MARCHF8: variants seen among roughly 807,000 people sequenced by gnomAD.
MARCHF8 encodes the protein membrane associated ring-CH-type finger 8.
MARCHF8 carries 40 observed loss-of-function variants against 51.6 expected under a neutral mutation model. The ratio of observed to expected loss-of-function variants is 0.77; its 90% CI spans 0.60 to 1.01. MARCHF8 has a LOEUF of 1.01. Ranked by LOEUF, MARCHF8 falls within the 50% of genes least tolerant of loss-of-function variation. MARCHF8 has a pLI of 0.00. For missense variants in MARCHF8, 685 were observed against 708.6 expected (o/e 0.97, Z 0.38); for synonymous variants, 263 against 280.3 (o/e 0.94, Z 0.62).
At chr10:45,551,706 A>G (rs1362055188) in intron 1 of MARCHF8, among the ~76,000 whole-genome samples, 5 of 152,136 alleles carry the variant, frequency 3.3e-5, no homozygotes, top group Admixed American at 2.6e-4. Flanking sequence ...CTCTTCCCTG[A>G]GCCTCCAGCC....
At chr10:45,498,735 C>T (rs930695530) in intron 2 of MARCHF8, among the ~76,000 whole-genome samples, 3 of 152,242 alleles carry the variant, frequency 2.0e-5, no homozygotes, top group African/African-American at 7.2e-5. Flanking sequence ...CTCGGCCTCC[C>T]AAAGTGCTAG....
chr10:45,491,527 G>A (rs763409103), intron 2 of MARCHF8, among the ~76,000 whole-genome samples: 2 of 152,172 alleles, frequency 1.3e-5, no homozygotes, highest in Non-Finnish European at 2.9e-5. Flanking sequence ...CTGGGCAACA[G>A]AGCAAGACTC....
intron 1 of MARCHF8, among the ~76,000 whole-genome samples, chr10:45,541,114 T>A (rs2044045811): frequency 1.3e-5 from 2 of 152,228 alleles, no homozygotes; most frequent in Admixed American, 6.5e-5. Context: ...AAAAGACACA[T>A]GCACACGTAT....
At position 45,457,009 on chromosome 10, in the gene MARCHF8, C is replaced by T. The variant is rs1316085585; in HGVS notation, c.*1230G>A. 6.6e-6 allele frequency: 1 copy of T among 152,412 alleles called. No homozygotes were observed. Among genetic ancestry groups the T allele is most frequent in the African/African-American group, 2.4e-5 (1 of 41,474 alleles). 9.4% of individuals were successfully genotyped at this position (152,412 alleles called of 1,614,324 possible). A position where few individuals can be genotyped will look rare whatever the true frequency, so the allele number is the denominator to read the frequency against. On this transcript the variant is annotated 3_prime_UTR_variant, in exon 8 of 8. Transcript: ENST00000453424. ...GCGGACCCTGGCAGTTTGCTCACAC[C>T]TGGCCCTCGTCCCAGAGCCAGCCCA...
chr10:45,579,752 G>A (rs373483939), intron 1 of MARCHF8, among the ~76,000 whole-genome samples: 12 of 152,120 alleles, frequency 7.9e-5, no homozygotes, highest in African/African-American at 2.4e-4. Flanking sequence ...GGTGGCTCAC[G>A]CCTATAATCC....
intron 3 of MARCHF8, 138 bp from the exon 4 acceptor site, chr10:45,464,465 C>A: frequency 1.5e-6 from 1 of 673,570 alleles, no homozygotes; most frequent in Non-Finnish European, 2.6e-6. Context: ...ATATTAGATC[C>A]TTCTAAGCCT....
At chr10:45,473,125 A>G (rs2132995107) in intron 3 of MARCHF8, among the ~76,000 whole-genome samples, 1 of 152,188 alleles carries the variant, frequency 6.6e-6, no homozygotes, top group East Asian at 1.9e-4. Context: ...AATTCCTTGT[A>G]AGGAATGTCC....
intron 2 of MARCHF8, among the ~76,000 whole-genome samples, chr10:45,493,860 A>G (rs1160495262): frequency 2.0e-5 from 3 of 152,184 alleles, no homozygotes; most frequent in African/African-American, 7.2e-5. Flanking sequence ...ATCATGTCAT[A>G]CTACAGTCTC....
rs780573693 is a variant in MARCHF8, at chr10:45,489,430, C to A, written c.103-13G>T. The A allele has an allele frequency of 4.4e-5, 70 of 1,608,566 alleles. 1 individual carries two copies. The highest frequency in any genetic ancestry group is 1.7e-4 in the South Asian group (15 of 90,340). ...AAGTCTTCTCATTCTGCAAGAAAAT[C>A]AAACAGGTTTTAATTATCAATCTTT... On this transcript the variant is annotated splice_polypyrimidine_tract_variant and intron_variant, in intron 2 of 7. Transcript: ENST00000453424.
At chr10:45,517,885 T>G (rs1401417357) in intron 2 of MARCHF8, among the ~76,000 whole-genome samples, 1 of 152,196 alleles carries the variant, frequency 6.6e-6, no homozygotes, top group African/African-American at 2.4e-5. Flanking sequence ...TTGCAATGTT[T>G]TTTCATGACA....
chr10:45,516,137 G>GTTC (rs2043614019), intron 2 of MARCHF8, among the ~76,000 whole-genome samples: 1 of 152,096 alleles, frequency 6.6e-6, no homozygotes, highest in South Asian at 2.1e-4. Context: ...TCCACTTCCT[G>GTTC]TTCTCTACAG....
chr10:45,478,403 G>A (rs1160594620), intron 3 of MARCHF8, among the ~76,000 whole-genome samples: 3 of 152,064 alleles, frequency 2.0e-5, no homozygotes, highest in African/African-American at 7.2e-5. Context: ...TGCTAACAGG[G>A]AAGTCCAGAG....
At chr10:45,495,409 T>C (rs551040079) in intron 2 of MARCHF8, among the ~76,000 whole-genome samples, 1 of 152,272 alleles carries the variant, frequency 6.6e-6, no homozygotes, top group African/African-American at 2.4e-5. Context: ...CATCTGTTTA[T>C]GTATTAAATC....
At position 45,533,207 on chromosome 10, in the gene MARCHF8, C is replaced by T. The variant is rs2043917051; in HGVS notation, c.5G>A (p.Ser2Asn). 2 of 1,609,080 alleles carry T rather than the reference C, an allele frequency of 1.2e-6. No individual in the cohort carries two copies. The highest frequency in any genetic ancestry group is 3.4e-5 in the Admixed American group (2 of 59,068). The change falls in exon 2 of 8, where the codon AGC (serine) becomes AAC (asparagine). Residue 2 changes from serine (S) to asparagine (N), a missense_variant. Physicochemically the swap from Ser to Asn is conservative, Grantham distance 46. Transcript: ENST00000453424. The stretch of plus-strand genomic sequence containing the variant: ...GGCAGAGATCTGATGCAGTGGCATG[C>T]TCATCCCAACCTCTTATCTGGTCGT... Reference protein sequence around the residue: MSMPLHQISAIP... With the variant: MNMPLHQISAIP...
chr10:45,519,000 A>G (rs1010303353), intron 2 of MARCHF8, among the ~76,000 whole-genome samples: 1 of 152,242 alleles, frequency 6.6e-6, no homozygotes, highest in Non-Finnish European at 1.5e-5. Flanking sequence ...GGATCCCACC[A>G]CCTTGTAAAA....
At chr10:45,502,218 G>A (rs941421739) in intron 2 of MARCHF8, among the ~76,000 whole-genome samples, 4 of 152,192 alleles carry the variant, frequency 2.6e-5, no homozygotes, top group African/African-American at 7.2e-5. Context: ...ACAGGTAAAC[G>A]GTTAGAAAAC....
At chr10:45,469,202 T>G (rs969889121) in intron 3 of MARCHF8, among the ~76,000 whole-genome samples, 1 of 152,116 alleles carries the variant, frequency 6.6e-6, no homozygotes, top group Non-Finnish European at 1.5e-5. Flanking sequence ...GTGCTGGTGC[T>G]GCACAGACTA....
chr10:45,557,051 T>G (rs1342479510), intron 1 of MARCHF8, among the ~76,000 whole-genome samples: 2 of 150,916 alleles, frequency 1.3e-5, no homozygotes, highest in African/African-American at 4.9e-5. Flanking sequence ...GTGAAACAGA[T>G]ATCCAGAATT....
chr10:45,482,784 A>C (rs1359091935), intron 3 of MARCHF8, among the ~76,000 whole-genome samples: 1 of 152,164 alleles, frequency 6.6e-6, no homozygotes, highest in East Asian at 1.9e-4. Flanking sequence ...ACAACAAAAC[A>C]AACCCAGATA....
Sources: allele counts gnomAD v4.1 joint callset (sites outside exome capture counted in the v4.1 genomes callset), GRCh38; gene constraint gnomAD v4.1.1; transcripts MANE v1.5; gene names NCBI Gene and HGNC (gene_info 2026-07-23, HGNC 2026-07-21).